The following STK32A variants were observed in gnomAD, a reference collection of about 807,000 sequenced individuals.
STK32A encodes the protein serine/threonine-protein kinase 32A.
A neutral mutation model predicts 53.2 loss-of-function variants in STK32A; 41 were observed. The observed-to-expected ratio is 0.77, with a 90% confidence interval of 0.60 to 1.00. The LOEUF (loss-of-function observed/expected upper bound fraction) is 1.00, where lower values mean the gene tolerates loss of function less well. Among genes scored for constraint, STK32A ranks in the 50% least tolerant of loss-of-function variants. The probability of loss-of-function intolerance (pLI) is 0.00; values close to 1 mark genes in which losing one functional copy is unlikely to be tolerated. For missense variants in STK32A, 458 were observed against 485.8 expected, an observed-to-expected ratio of 0.94 and a Z score of 0.54; for synonymous variants, 166 against 162.8, an observed-to-expected ratio of 1.02 and a Z score of -0.15.
At chr5:147,295,449 C>T (rs1752824207) in intron 4 of STK32A, among the ~76,000 whole-genome samples, 1 of 152,190 alleles carries the variant, frequency 6.6e-6, no homozygotes, top group African/African-American at 2.4e-5. Context: ...AACCCGAAAG[C>T]TAAAACAGAG....
At chr5:147,362,127 C>A (rs996876991) in intron 8 of STK32A, among the ~76,000 whole-genome samples, 7 of 152,030 alleles carry the variant, frequency 4.6e-5, no homozygotes, top group Admixed American at 3.9e-4. Flanking sequence ...ATCTCTTTCC[C>A]AGAAAAAAGA....
chr5:147,313,557 G>T (rs1371707437), intron 4 of STK32A, among the ~76,000 whole-genome samples: 1 of 152,122 alleles, frequency 6.6e-6, no homozygotes, highest in African/African-American at 2.4e-5. Context: ...AAATTCACAA[G>T]CTGATCTTAA....
At chr5:147,349,360 G>A (rs1755845668) in intron 6 of STK32A, among the ~76,000 whole-genome samples, 1 of 152,232 alleles carries the variant, frequency 6.6e-6, no homozygotes, top group Non-Finnish European at 1.5e-5. Flanking sequence ...AGGGCTTGTG[G>A]ACTGTGGGCC....
In STK32A at chr5:147,238,561, T is replaced by C. The variant is rs535683601; in HGVS notation, c.-96-978T>C. ...TCTTTTCTTGTTCACACATATCATT[T>C]AATTTGAGCCTCAGAGCGGCTAACA... On this transcript the variant is annotated intron_variant, in intron 1 of 12. Transcript: ENST00000397936. Among the ~76,000 whole-genome samples, 7 of 152,338 alleles carry C rather than the reference T, an allele frequency of 4.6e-5. No individual in the cohort carries two copies. In the South Asian group the frequency reaches 1.2e-3, roughly 27 times the overall value.
At position 147,278,158 on chromosome 5, in the gene STK32A, TG is replaced by T; in HGVS notation, c.90del (p.Gly32AlafsTer20). On this transcript the variant is annotated frameshift_variant, in exon 3 of 13. Transcript: ENST00000397936. LOFTEE classifies it high-confidence loss of function. ...ACCACTTTGAAATTTTGCGAGCCAT[TG>T]GGAAAGGCAGTTTTGGGAAGGTGAG... is the stretch of plus-strand genomic sequence containing the variant. ...FDHFEILRAI[G>X]KGSFGKVCIV... 1 of 1,600,894 alleles carries T rather than the reference TG, an allele frequency of 6.2e-7. No homozygotes were observed. The highest frequency in any genetic ancestry group is 8.5e-7 in the Non-Finnish European group (1 of 1,173,106).
At chr5:147,395,493 T>G in the STK32A span, 3 of 1,535,046 alleles carry the variant, frequency 2.0e-6, no homozygotes, top group Non-Finnish European at 2.6e-6. Context: ...GAACACCCTG[T>G]GGCCTCAGAA....
the STK32A span, among the ~76,000 whole-genome samples, chr5:147,397,252 C>T: frequency 6.6e-6 from 1 of 151,138 alleles, no homozygotes; most frequent in Non-Finnish European, 1.5e-5. Flanking sequence ...ATTGAAAATA[C>T]AGTAGCTAAA....
intron 10 of STK32A, among the ~76,000 whole-genome samples, chr5:147,374,118 C>G (rs976331611): frequency 3.3e-5 from 5 of 151,592 alleles, no homozygotes; most frequent in African/African-American, 1.2e-4. Context: ...GACCGTGTCT[C>G]TACAGAAAAA....
chr5:147,375,757 G>A (rs1375204632), intron 11 of STK32A: 1 of 152,244 alleles, frequency 6.6e-6, no homozygotes, highest in African/African-American at 2.4e-5. Context: ...CTGGATTTCA[G>A]GCTGAGTTAA....
chr5:147,269,315 A>G (rs888308245), intron 2 of STK32A, among the ~76,000 whole-genome samples: 4 of 152,206 alleles, frequency 2.6e-5, no homozygotes, highest in African/African-American at 9.6e-5. Context: ...AGCACCTAGC[A>G]CAATGGCTGT....
At chr5:147,389,971 C>T (rs1191902736), downstream of STK32A, among the ~76,000 whole-genome samples, 1 of 152,236 alleles carries the variant, frequency 6.6e-6, no homozygotes, top group Non-Finnish European at 1.5e-5. Context: ...CAGGGTCTAG[C>T]ACTTAGATCC....
chr5:147,360,473 A>AG (rs2151997774), intron 7 of STK32A, among the ~76,000 whole-genome samples: 1 of 145,056 alleles, frequency 6.9e-6, no homozygotes, highest in East Asian at 2.0e-4. Flanking sequence ...AAAAAGAAAA[A>AG]AAAAAGAAAG....
chr5:147,357,615 T>A (rs1003662916), intron 7 of STK32A, among the ~76,000 whole-genome samples: 4 of 152,074 alleles, frequency 2.6e-5, no homozygotes, highest in African/African-American at 9.6e-5. Context: ...GCTAAAAATA[T>A]TATCAAGCCA....
In STK32A at chr5:147,384,655, T is replaced by C. The variant is rs190601269; in HGVS notation, c.*672T>C. On this transcript the variant is annotated 3_prime_UTR_variant, in exon 13 of 13. Transcript: ENST00000397936. ...TGTGAAAGTGGTAACTTGAAATTGG[T>C]AATAATGGGAGCATTTACACCACGG... The C allele has an allele frequency of 2.0e-4, 86 of 440,698 alleles. No individual in the cohort carries two copies. Among genetic ancestry groups the C allele is most frequent in the African/African-American group, 1.6e-3 (78 of 49,684 alleles). 27.3% of individuals were successfully genotyped at this position (440,698 alleles called of 1,614,324 possible). A position where few individuals can be genotyped will look rare whatever the true frequency, so the allele number is the denominator to read the frequency against.
chr5:147,364,697 A>G (rs926348358), intron 8 of STK32A, among the ~76,000 whole-genome samples: 2 of 152,120 alleles, frequency 1.3e-5, no homozygotes, highest in Non-Finnish European at 2.9e-5. Flanking sequence ...TTGCCCTCAC[A>G]TGACGGAGAG....
chr5:147,238,680 T>C (rs953760179), intron 1 of STK32A, among the ~76,000 whole-genome samples: 2 of 152,094 alleles, frequency 1.3e-5, no homozygotes, highest in Non-Finnish European at 2.9e-5. Context: ...TATATAAATG[T>C]GATATAACAT....
chr5:147,275,506 TAG>T (rs970739183), intron 2 of STK32A, among the ~76,000 whole-genome samples: 1 of 152,162 alleles, frequency 6.6e-6, no homozygotes, highest in Non-Finnish European at 1.5e-5. Context: ...TAATTTTTTG[TAG>T]AGATGGGGCC....
chr5:147,348,795 C>T (rs1022763914), intron 6 of STK32A: 5 of 728,276 alleles, frequency 6.9e-6, no homozygotes, highest in Admixed American at 2.0e-5. Flanking sequence ...CTGATAATGA[C>T]GGATATCAAC....
At chr5:147,328,468 G>A (rs13153406) in intron 5 of STK32A, among the ~76,000 whole-genome samples, 33,882 of 151,966 alleles carry the variant, frequency 0.22, 5,160 homozygotes, top group Non-Finnish European at 0.33. Flanking sequence ...CTTTTCTATC[G>A]TTGTTAAAGA....
Sources: gnomAD v4.1 joint callset for allele counts (sites outside exome capture counted in the v4.1 genomes callset) on GRCh38, gnomAD v4.1.1 for gene constraint, MANE v1.5 for transcripts, NCBI Gene and HGNC (gene_info 2026-07-23, HGNC 2026-07-21) for gene names.